The following PPP1R9A variants were observed in gnomAD, a reference collection of about 807,000 sequenced individuals.
PPP1R9A encodes neurabin-1.
In PPP1R9A, 59 loss-of-function variants were observed where a neutral mutation model predicts 141.9. The ratio of observed to expected loss-of-function variants is 0.42; its 90% CI spans 0.34 to 0.52. PPP1R9A has a LOEUF of 0.52. PPP1R9A is among the 20% of genes least tolerant of loss of function. The probability of loss-of-function intolerance (pLI) is 0.10; values close to 1 mark genes in which losing one functional copy is unlikely to be tolerated. For synonymous variants in PPP1R9A, 500 were observed against 569.7 expected (o/e 0.88, Z 1.74); for missense variants, 1,444 against 1,611.9 (o/e 0.90, Z 1.78).
At chr7:94,948,327 C>A (rs1454110629) in intron 2 of PPP1R9A, among the ~76,000 whole-genome samples, 1 of 152,206 alleles carries the variant, frequency 6.6e-6, no homozygotes, top group African/African-American at 2.4e-5. Context: ...ACCACTTTTA[C>A]TTTATTTACC....
intron 7 of PPP1R9A, among the ~76,000 whole-genome samples, chr7:95,205,311 A>G (rs1179976210): frequency 6.6e-6 from 1 of 152,208 alleles, no homozygotes; most frequent in Non-Finnish European, 1.5e-5. Flanking sequence ...CTAGATACGA[A>G]ATACCAAATA....
chr7:95,278,918 GAC>G (rs749781822), intron 16 of PPP1R9A, among the ~76,000 whole-genome samples: 1 of 151,224 alleles, frequency 6.6e-6, no homozygotes, highest in Non-Finnish European at 1.5e-5. Flanking sequence ...TGGAGACATA[GAC>G]ACACACACAC....
rs529607377 is a variant in PPP1R9A, at chr7:95,044,120, G to T, written c.1396-67139G>T. 2.6e-5 allele frequency among the ~76,000 whole-genome samples: 4 copies of T among 152,350 alleles called. No homozygotes were observed. In the East Asian group the frequency reaches 7.7e-4, roughly 29 times the overall value. ...TTAGGCTAGGTGAACAGGAAATGAG[G>T]CAGTTACAGTGTTTTAGTTGTTTGT... On this transcript the variant is annotated intron_variant, in intron 2 of 19. Coordinates refer to ENST00000433360, the MANE Select transcript of PPP1R9A (RefSeq NM_001166160.2).
In PPP1R9A at chr7:94,925,957, C is replaced by G. The variant is rs193248076; in HGVS notation, c.1395+14449C>G. ...TCTCCTGCCTTAGGCTCTTGAGTAG[C>G]TGGGATTACAGGCGTGCGCTGCCAT... On this transcript the variant is annotated intron_variant, in intron 2 of 19. Coordinates refer to ENST00000433360, the MANE Select transcript of PPP1R9A (RefSeq NM_001166160.2). 1.0e-3 allele frequency among the ~76,000 whole-genome samples: 153 copies of G among 152,186 alleles called. 5 individuals carry two copies. The highest frequency in any genetic ancestry group is 7.3e-3 in the East Asian group (38 of 5,174).
chr7:95,184,530 T>C (rs2152807510), intron 5 of PPP1R9A, among the ~76,000 whole-genome samples: 1 of 152,248 alleles, frequency 6.6e-6, no homozygotes, highest in South Asian at 2.1e-4. Context: ...GAAAAAGTTC[T>C]TTAGTAGTGA....
chr7:95,102,106 A>C (rs2152404604), intron 2 of PPP1R9A, among the ~76,000 whole-genome samples: 1 of 152,328 alleles, frequency 6.6e-6, no homozygotes, highest in Non-Finnish European at 1.5e-5. Context: ...TTGGTTTGGC[A>C]TTTATAATGC....
At chr7:95,085,974 A>G (rs1046598380) in intron 2 of PPP1R9A, among the ~76,000 whole-genome samples, 3 of 151,862 alleles carry the variant, frequency 2.0e-5, no homozygotes, top group African/African-American at 7.3e-5. Context: ...TATTTTCTGT[A>G]TGACGTGAGG....
chr7:94,960,896 G>A (rs1028612898), intron 2 of PPP1R9A, among the ~76,000 whole-genome samples: 4 of 151,512 alleles, frequency 2.6e-5, no homozygotes, highest in Non-Finnish European at 5.9e-5. Flanking sequence ...TGTTTTCCCT[G>A]CAGATGTATT....
chr7:94,992,919 A>G (rs1161132666), intron 2 of PPP1R9A, among the ~76,000 whole-genome samples: 3 of 151,980 alleles, frequency 2.0e-5, no homozygotes, highest in Non-Finnish European at 4.4e-5. Context: ...TTTTTCTTTC[A>G]TGGATCATCT....
intron 4 of PPP1R9A, among the ~76,000 whole-genome samples, chr7:95,125,881 T>A (rs145764791): frequency 1.3e-5 from 2 of 151,946 alleles, no homozygotes; most frequent in African/African-American, 4.8e-5. Context: ...GATTAAAGAG[T>A]CCTATTCTTT....
At chr7:95,237,213 T>G (rs79470727) in intron 8 of PPP1R9A, among the ~76,000 whole-genome samples, 2 of 149,762 alleles carry the variant, frequency 1.3e-5, no homozygotes, top group Non-Finnish European at 3.0e-5. Flanking sequence ...GTTTTTTTTT[T>G]GAGATGGAGT....
intron 2 of PPP1R9A, among the ~76,000 whole-genome samples, chr7:94,966,758 A>G (rs1287706855): frequency 6.6e-6 from 1 of 152,152 alleles, no homozygotes; most frequent in Admixed American, 6.5e-5. Flanking sequence ...TTCTTCAGGA[A>G]TATTGGCCTG....
chr7:95,284,020 T>C lies in PPP1R9A; in HGVS notation c.3299T>C (p.Ile1100Thr). The C allele has an allele frequency of 6.3e-7, 1 of 1,587,448 alleles. No individual in the cohort carries two copies. The highest frequency in any genetic ancestry group is 1.1e-5 in the South Asian group (1 of 89,674). ...CACCCATTCTTTTCACAAAACAGGA[T>C]CTTCAGAGGCAGACTGGAAAACTGG... is the stretch of plus-strand genomic sequence containing the variant. Reference protein sequence around the residue: ...EASRFSAGSRIFRGRLENWTP... With the variant: ...EASRFSAGSRTFRGRLENWTP... Residue 1100 changes from isoleucine (I) to threonine (T), a missense_variant and splice_region_variant, in exon 17 of 20, where the codon ATC becomes ACC. Physicochemically the swap from Ile to Thr is moderately conservative, Grantham distance 89. Transcript: ENST00000433360.
intron 2 of PPP1R9A, among the ~76,000 whole-genome samples, chr7:94,933,635 A>T (rs540190644): frequency 6.6e-6 from 1 of 152,320 alleles, no homozygotes; most frequent in African/African-American, 2.4e-5. Flanking sequence ...CATTTTGATG[A>T]TGATAATAAA....
chr7:95,008,670 TTTCCTAAAAGCAGTGGTC>T (rs2151596236), intron 2 of PPP1R9A, among the ~76,000 whole-genome samples: 1 of 152,314 alleles, frequency 6.6e-6, no homozygotes, highest in Admixed American at 6.5e-5. Flanking sequence ...GTACCACTGC[TTTCCTAAAAGCAGTGGTC>T]TGGAAGTGGG....
chr7:95,130,793 G>A (rs1385717918), intron 4 of PPP1R9A, among the ~76,000 whole-genome samples: 1 of 152,186 alleles, frequency 6.6e-6, no homozygotes, highest in Non-Finnish European at 1.5e-5. Context: ...AGATTTGACT[G>A]CCCTGCTGGA....
intron 2 of PPP1R9A, among the ~76,000 whole-genome samples, chr7:95,045,400 T>G (rs1009287854): frequency 2.0e-5 from 3 of 152,226 alleles, no homozygotes; most frequent in African/African-American, 2.4e-5. Flanking sequence ...TTTTCCCATC[T>G]CTTAGGGTGG....
intron 2 of PPP1R9A, among the ~76,000 whole-genome samples, chr7:94,938,461 T>C (rs1381686029): frequency 1.3e-5 from 2 of 152,158 alleles, no homozygotes; most frequent in Non-Finnish European, 2.9e-5. Flanking sequence ...GTTTTCTTTT[T>C]TTTTTCTTAG....
chr7:94,996,105 A>G (rs1304433806), intron 2 of PPP1R9A, among the ~76,000 whole-genome samples: 1 of 152,146 alleles, frequency 6.6e-6, no homozygotes, highest in Non-Finnish European at 1.5e-5. Context: ...AGTCTGGTAG[A>G]AGGACTGGAT....
Sources: allele counts gnomAD v4.1 joint callset (sites outside exome capture counted in the v4.1 genomes callset), GRCh38; gene constraint gnomAD v4.1.1; transcripts MANE v1.5; gene names NCBI Gene and HGNC (gene_info 2026-07-23, HGNC 2026-07-21).